Variants in LRPPRC observed in about 807,000 individuals in gnomAD.
LRPPRC encodes leucine rich pentatricopeptide repeat containing.
LRPPRC carries 120 observed loss-of-function variants against 180.3 expected under a neutral mutation model. The observed-to-expected ratio is 0.67, with a 90% CI of 0.57 to 0.77. The LOEUF is 0.77. Among genes scored for constraint, LRPPRC ranks in the 30% least tolerant of loss-of-function variants. The pLI, the probability that LRPPRC is intolerant of heterozygous loss-of-function variation, is 0.00. For synonymous variants in LRPPRC, 723 were observed against 600.0 expected, an observed-to-expected ratio of 1.21 and a Z score of -3.00; for missense variants, 2,012 against 1,657.2, an observed-to-expected ratio of 1.21 and a Z score of -3.72.
In LRPPRC at chr2:43,934,828, T is replaced by C. The variant is rs772637811; in HGVS notation, c.2555A>G (p.Tyr852Cys). 4 of 1,612,678 alleles carry C rather than the reference T, an allele frequency of 2.5e-6. No individual in the cohort carries two copies. Among genetic ancestry groups the C allele is most frequent in the South Asian group, 1.1e-5 (1 of 91,040 alleles). ...LEVAIDCYEK[Y>C]KVLPRIHDVL... ...ATCATGAATCCTTGGTAATACTTTA[T>C]ACTTTTCATAGCAGTCAATGGCGAC... Residue 852 changes from tyrosine (Y) to cysteine (C), a missense_variant, in exon 24 of 38, where the codon TAT becomes TGT. By Grantham distance (194) the Tyr-to-Cys change is radical. Transcript: ENST00000260665.
At chr2:43,961,093 A>G (rs1673328827) in intron 12 of LRPPRC, among the ~76,000 whole-genome samples, 1 of 152,222 alleles carries the variant, frequency 6.6e-6, no homozygotes. Flanking sequence ...TCATTTTATT[A>G]TAGTATATTA....
At chr2:43,896,956 T>A (rs1670709258) in intron 34 of LRPPRC, among the ~76,000 whole-genome samples, 2 of 152,126 alleles carry the variant, frequency 1.3e-5, no homozygotes, top group African/African-American at 4.8e-5. Context: ...AGGGAAAAAT[T>A]AAACTAATGC....
intron 13 of LRPPRC, chr2:43,959,037 G>A (rs1559012873): frequency 2.2e-5 from 12 of 536,278 alleles, no homozygotes. Flanking sequence ...TCTCAGCTAT[G>A]AAGGCTGCTG....
At position 43,901,458 on chromosome 2, in the gene LRPPRC, C is replaced by T. The variant is rs372374729; in HGVS notation, c.3431G>A (p.Arg1144His). The T allele has an allele frequency of 4.5e-5, 72 of 1,613,802 alleles. No individual in the cohort carries two copies. In the Middle Eastern group the frequency reaches 6.6e-4, roughly 15 times the overall value. Residue 1144 changes from arginine (R) to histidine (H), a missense_variant, in exon 32 of 38, where the codon CGT becomes CAT. Physicochemically the swap from Arg to His is conservative, Grantham distance 29. Transcript: ENST00000260665. ...CTTCATGGCCAATGCCTGGATGACACGGGTCACTGCTAACCTAGAAGGGGT... is the reference window on the plus strand; with the variant it reads ...CTTCATGGCCAATGCCTGGATGACATGGGTCACTGCTAACCTAGAAGGGGT... ...QQTPSRLAVT[R>H]VIQALAMKGD...
chr2:43,891,106 G>A (rs1237564375), intron 36 of LRPPRC, among the ~76,000 whole-genome samples: 2 of 152,308 alleles, frequency 1.3e-5, no homozygotes, highest in Admixed American at 6.5e-5. Flanking sequence ...CATCTTTGCT[G>A]TTTCCATGAA....
intron 21 of LRPPRC, 34 bp downstream of exon 21, chr2:43,946,079 T>C (rs1198624687): frequency 1.2e-6 from 2 of 1,605,054 alleles, no homozygotes; most frequent in Admixed American, 1.7e-5. Flanking sequence ...GCAGAATAAA[T>C]GTTGACAACT....
intron 30 of LRPPRC, among the ~76,000 whole-genome samples, chr2:43,906,784 T>G (rs1358691937): frequency 6.6e-6 from 1 of 152,156 alleles, no homozygotes; most frequent in African/African-American, 2.4e-5. Flanking sequence ...CCAGAGACAC[T>G]ACGACATGCC....
chr2:43,963,849 A>T, intron 11 of LRPPRC, 143 bp from the exon 12 acceptor site: 1 of 707,304 alleles, frequency 1.4e-6, no homozygotes, highest in Non-Finnish European at 2.6e-6. Context: ...CAGAAAAGAA[A>T]CACTGTGAGA....
At chr2:43,984,798 C>A (rs1674455174) in intron 1 of LRPPRC, among the ~76,000 whole-genome samples, 1 of 152,040 alleles carries the variant, frequency 6.6e-6, no homozygotes, top group African/African-American at 2.4e-5. Flanking sequence ...ATGCTAAGGA[C>A]CAAAATTGAT....
intron 36 of LRPPRC, among the ~76,000 whole-genome samples, chr2:43,892,313 T>G (rs1198352304): frequency 6.6e-6 from 1 of 152,236 alleles, no homozygotes; most frequent in Non-Finnish European, 1.5e-5. Flanking sequence ...GACTCTATTT[T>G]CAATGGCTAA....
chr2:43,918,820 T>TAG (rs1268944030), intron 27 of LRPPRC, among the ~76,000 whole-genome samples: 5 of 145,904 alleles, frequency 3.4e-5, no homozygotes, highest in Non-Finnish European at 6.0e-5. Context: ...GATATATATA[T>TAG]ATCTATATAT....
chr2:43,921,431 T>A (rs1051872838), intron 27 of LRPPRC, among the ~76,000 whole-genome samples: 1 of 152,248 alleles, frequency 6.6e-6, no homozygotes, highest in Admixed American at 6.5e-5. Context: ...CAAGTATTTT[T>A]CTTGTGAATT....
intron 23 of LRPPRC, among the ~76,000 whole-genome samples, chr2:43,942,470 T>C (rs912566522): frequency 2.6e-5 from 4 of 152,160 alleles, no homozygotes; most frequent in African/African-American, 4.8e-5. Context: ...GCTGAGACTG[T>C]AGAGGTTAAG....
At chr2:43,988,794 G>A (rs369101595) in intron 1 of LRPPRC, among the ~76,000 whole-genome samples, 3 of 151,980 alleles carry the variant, frequency 2.0e-5, no homozygotes, top group East Asian at 3.9e-4. Context: ...CCGCCCGCCT[G>A]AGCCTCCCAA....
chr2:43,942,861 A>G (rs925899643), intron 23 of LRPPRC, among the ~76,000 whole-genome samples: 2 of 152,104 alleles, frequency 1.3e-5, no homozygotes, highest in African/African-American at 4.8e-5. Context: ...GTGTTTTACT[A>G]CTTTCAGATA....
intron 25 of LRPPRC, among the ~76,000 whole-genome samples, chr2:43,931,150 C>A (rs953169013): frequency 6.6e-6 from 1 of 152,160 alleles, no homozygotes; most frequent in Non-Finnish European, 1.5e-5. Flanking sequence ...TTGAGTAGTT[C>A]TGCAATCACT....
At chr2:43,944,548 TAGAA>T (rs1400980426) in intron 22 of LRPPRC, among the ~76,000 whole-genome samples, 4 of 152,196 alleles carry the variant, frequency 2.6e-5, no homozygotes, top group Admixed American at 6.6e-5. Context: ...GGCTAATCCT[TAGAA>T]AGAGTTAGAA....
At chr2:43,915,834 C>T (rs143880794) in intron 29 of LRPPRC, among the ~76,000 whole-genome samples, 6 of 152,332 alleles carry the variant, frequency 3.9e-5, no homozygotes, top group Non-Finnish European at 8.8e-5. Context: ...CAGGTGCGAT[C>T]ATGGCTCAAT....
rs886056061 is a variant in LRPPRC, at chr2:43,995,813, G to C, written c.135C>G (p.Ala45=). The change falls in exon 1 of 38, where the codon GCC becomes GCG. Residue 45 remains alanine, a synonymous_variant. Transcript: ENST00000260665. ...TGGGCACTCACCCGGCCACGGGCCCGGCGCGAGCGGCGGGCAGATAGGAGG... is the reference window on the plus strand; with the variant it reads ...TGGGCACTCACCCGGCCACGGGCCCCGCGCGAGCGGCGGGCAGATAGGAGG... ...HAASYLPAAR[A]GPVAGGLLSP... is the part of the protein sequence containing the mutation. The C allele has an allele frequency of 2.8e-6, 4 of 1,405,690 alleles. No individual in the cohort carries two copies. The highest frequency in any genetic ancestry group is 1.5e-5 in the African/African-American group (1 of 66,004). 87.1% of individuals were successfully genotyped at this position (1,405,690 alleles called of 1,614,324 possible).
Sources: gnomAD v4.1 joint callset for allele counts (sites outside exome capture counted in the v4.1 genomes callset) on GRCh38, gnomAD v4.1.1 for gene constraint, MANE v1.5 for transcripts, NCBI Gene and HGNC (gene_info 2026-07-23, HGNC 2026-07-21) for gene names.